AGPAT5: variants seen among roughly 807,000 people sequenced by gnomAD.
The protein encoded by AGPAT5 is 1-acyl-sn-glycerol-3-phosphate acyltransferase epsilon.
Under a neutral mutation model 45.6 loss-of-function variants are expected in AGPAT5, and 46 were observed. The observed-to-expected ratio is 1.01, with a 90% CI of 0.80 to 1.29. The LOEUF (loss-of-function observed/expected upper bound fraction) is 1.29, where lower values mean the gene tolerates loss of function less well. Among genes scored for constraint, AGPAT5 ranks in the 50% most tolerant of loss-of-function variants. The probability of loss-of-function intolerance (pLI) is 0.00; values close to 1 mark genes in which losing one functional copy is unlikely to be tolerated. For synonymous variants in AGPAT5, 272 were observed against 167.0 expected, an observed-to-expected ratio of 1.63 and a Z score of -4.85; for missense variants, 673 against 450.7, an observed-to-expected ratio of 1.49 and a Z score of -4.47.
In AGPAT5 at chr8:6,759,814, A is replaced by G. The variant is rs936940040; in HGVS notation, c.*2426A>G. The G allele has an allele frequency of 4.6e-5, 7 of 152,220 alleles. No individual in the cohort carries two copies. The highest frequency in any genetic ancestry group is 1.7e-4 in the African/African-American group (7 of 41,444). 9.4% of individuals were successfully genotyped at this position (152,220 alleles called of 1,614,324 possible). A position where few individuals can be genotyped will look rare whatever the true frequency, so the allele number is the denominator to read the frequency against. On this transcript the variant is annotated 3_prime_UTR_variant, in exon 8 of 8. Transcript: ENST00000285518. The stretch of plus-strand genomic sequence containing the variant: ...TTAAAAAAATACACTAAAATAATCA[A>G]AACTGTTAAGCAGTATATTAGTTTG...
chr8:6,753,540 G>C lies in AGPAT5; in HGVS notation c.746-1511G>C, dbSNP rs2928580. Among the ~76,000 whole-genome samples the C allele has an allele frequency of 7.8e-3, 1,185 of 152,190 alleles. 10 individuals carry two copies. Among genetic ancestry groups the C allele is most frequent in the African/African-American group, 0.026 (1,066 of 41,524 alleles). On this transcript the variant is annotated intron_variant, in intron 6 of 7. Transcript: ENST00000285518. ...ATACTGTGTGCCAAGCACTCCTGTA[G>C]GTGCTTGAAATCTTCTATTATTATT...
intron 1 of AGPAT5, among the ~76,000 whole-genome samples, chr8:6,713,940 C>T (rs77089846): frequency 1.6e-4 from 24 of 152,310 alleles, no homozygotes; most frequent in African/African-American, 5.8e-4. Flanking sequence ...AGCACTGATT[C>T]ATCAAACTAA....
At chr8:6,714,472 A>G (rs886647556) in intron 1 of AGPAT5, among the ~76,000 whole-genome samples, 6 of 152,244 alleles carry the variant, frequency 3.9e-5, no homozygotes, top group East Asian at 1.9e-4. Context: ...TTTACACTTT[A>G]TAAATATAAA....
intron 4 of AGPAT5, among the ~76,000 whole-genome samples, chr8:6,736,274 T>G (rs1266415817): frequency 1.3e-5 from 2 of 152,242 alleles, no homozygotes; most frequent in Non-Finnish European, 2.9e-5. Context: ...TATTCAGACT[T>G]TACCAGGTTT....
At chr8:6,717,976 C>T (rs1207583675) in intron 1 of AGPAT5, among the ~76,000 whole-genome samples, 1 of 152,170 alleles carries the variant, frequency 6.6e-6, no homozygotes, top group Non-Finnish European at 1.5e-5. Flanking sequence ...TATTTCTCTG[C>T]CATTCCGTAT....
In AGPAT5 at chr8:6,761,415, G is replaced by A. The variant is rs1802041063; in HGVS notation, c.*4027G>A. Among the ~76,000 whole-genome samples the A allele has an allele frequency of 6.6e-6, 1 of 151,960 alleles. No homozygotes were observed. Among genetic ancestry groups the A allele is most frequent in the Non-Finnish European group, 1.5e-5 (1 of 67,980 alleles). On this transcript the variant is annotated 3_prime_UTR_variant, in exon 8 of 8. Transcript: ENST00000285518. Reference sequence around the variant, plus strand: ...TGACTAACTCTTTTTGTCTCTTTATGGTATTTTCAGAATAAAGTCTGACTT... The same window carrying A: ...TGACTAACTCTTTTTGTCTCTTTATAGTATTTTCAGAATAAAGTCTGACTT...
intron 2 of AGPAT5, among the ~76,000 whole-genome samples, chr8:6,727,239 C>G (rs1425965713): frequency 1.3e-5 from 2 of 152,158 alleles, no homozygotes; most frequent in Non-Finnish European, 2.9e-5. Context: ...AAATTAGTCT[C>G]TCTCTTCCCT....
At chr8:6,735,525 C>T (rs2116911125) in intron 4 of AGPAT5, among the ~76,000 whole-genome samples, 1 of 152,320 alleles carries the variant, frequency 6.6e-6, no homozygotes, top group South Asian at 2.1e-4. Flanking sequence ...ATTCTTTTTA[C>T]TGGTATCTGT....
intron 1 of AGPAT5, among the ~76,000 whole-genome samples, chr8:6,712,251 G>A (rs1490729244): frequency 6.6e-6 from 1 of 152,014 alleles, no homozygotes; most frequent in South Asian, 2.1e-4. Context: ...TATCCCTTAA[G>A]TAGAACATTT....
rs1801936720 is a variant in AGPAT5, at chr8:6,758,960, A to G, written c.*1572A>G. On this transcript the variant is annotated 3_prime_UTR_variant, in exon 8 of 8. Transcript: ENST00000285518. ...TAAGGGAAAATTAAGTGACTGTGTT[A>G]CACTGCTTCTCCCATGCCAGAGAAT... The G allele has an allele frequency of 6.6e-6, 1 of 152,582 alleles. No individual in the cohort carries two copies. The highest frequency in any genetic ancestry group is 1.5e-5 in the Non-Finnish European group (1 of 68,040). The allele number at this position is 152,582 out of a possible 1,614,324, so 9.5% of individuals were successfully genotyped here. A position where few individuals can be genotyped will look rare whatever the true frequency, so the allele number is the denominator to read the frequency against.
chr8:6,727,475 G>A (rs1172762295), intron 2 of AGPAT5, among the ~76,000 whole-genome samples: 4 of 151,868 alleles, frequency 2.6e-5, no homozygotes, highest in Middle Eastern at 3.2e-3. Flanking sequence ...TTTGCCTCCC[G>A]GGTTCAAGCC....
chr8:6,757,613 A>T lies in AGPAT5; in HGVS notation c.*225A>T, dbSNP rs1235085319. The T allele has an allele frequency of 4.0e-6, 2 of 495,654 alleles. No homozygotes were observed. The highest frequency in any genetic ancestry group is 3.8e-5 in the African/African-American group (2 of 52,078). 30.7% of individuals were successfully genotyped at this position (495,654 alleles called of 1,614,324 possible). On this transcript the variant is annotated 3_prime_UTR_variant, in exon 8 of 8. Transcript: ENST00000285518. ...GGGGCTGCTGGAAGGGTAAAAGCTA[A>T]ATGGAGTTTCTCCTGCTCTGTCCAT...
At chr8:6,715,266 G>C (rs1800283910) in intron 1 of AGPAT5, among the ~76,000 whole-genome samples, 1 of 152,218 alleles carries the variant, frequency 6.6e-6, no homozygotes, top group African/African-American at 2.4e-5. Context: ...TACTGAGCAA[G>C]TGACATTTGT....
At chr8:6,710,153 G>C (rs1394421111) in intron 1 of AGPAT5, among the ~76,000 whole-genome samples, 1 of 152,100 alleles carries the variant, frequency 6.6e-6, no homozygotes, top group Non-Finnish European at 1.5e-5. Flanking sequence ...ATCTGTGGCG[G>C]GTTATGTTAT....
chr8:6,733,865 T>C (rs758384923), intron 4 of AGPAT5, among the ~76,000 whole-genome samples: 1 of 152,222 alleles, frequency 6.6e-6, no homozygotes. Context: ...TGAAGATAGC[T>C]GCCTTTTGGG....
chr8:6,725,963 A>G (rs1246833563), intron 2 of AGPAT5, among the ~76,000 whole-genome samples: 1 of 152,202 alleles, frequency 6.6e-6, no homozygotes, highest in African/African-American at 2.4e-5. Context: ...AAAGAAGTTA[A>G]AATGCATTTT....
Position 6,759,172 on chromosome 8 carries a change from A to G in AGPAT5, c.*1784A>G, listed in dbSNP as rs1234757847. The G allele has an allele frequency of 1.3e-5, 2 of 152,236 alleles. No individual in the cohort carries two copies. The highest frequency in any genetic ancestry group is 2.9e-5 in the Non-Finnish European group (2 of 68,038). The allele number at this position is 152,236 out of a possible 1,614,324, so 9.4% of individuals were successfully genotyped here. A position where few individuals can be genotyped will look rare whatever the true frequency, so the allele number is the denominator to read the frequency against. On this transcript the variant is annotated 3_prime_UTR_variant, in exon 8 of 8. Coordinates refer to ENST00000285518, the MANE Select transcript of AGPAT5 (RefSeq NM_018361.5). ...CTCTTACCTGTAAAGTAAAATTTAG[A>G]TCAATTCCATGTCTTTGTTAAGTAC...
At chr8:6,746,430 C>T (rs547810868) in intron 5 of AGPAT5, among the ~76,000 whole-genome samples, 1 of 152,306 alleles carries the variant, frequency 6.6e-6, no homozygotes, top group Admixed American at 6.5e-5. Flanking sequence ...TCCTTACTAA[C>T]TTACTTGGAT....
intron 1 of AGPAT5, among the ~76,000 whole-genome samples, chr8:6,715,536 G>T (rs1800294344): frequency 6.6e-6 from 1 of 152,132 alleles, no homozygotes; most frequent in Non-Finnish European, 1.5e-5. Flanking sequence ...TACAAAGTAG[G>T]CACCATTCTT....
Sources: gnomAD v4.1 joint callset for allele counts (sites outside exome capture counted in the v4.1 genomes callset) on GRCh38, gnomAD v4.1.1 for gene constraint, MANE v1.5 for transcripts, NCBI Gene and HGNC (gene_info 2026-07-23, HGNC 2026-07-21) for gene names.